The following VWDE variants were observed in gnomAD, a reference collection of about 807,000 sequenced individuals.
VWDE encodes the protein von Willebrand factor D and EGF domains.
VWDE carries 207 observed loss-of-function variants against 178.4 expected under a neutral mutation model. The observed-to-expected ratio is 1.16, with a 90% CI of 1.04 to 1.30. The LOEUF is 1.30. Among genes scored for constraint, VWDE ranks in the 50% most tolerant of loss-of-function variants. The pLI, the probability that VWDE is intolerant of heterozygous loss-of-function variation, is 0.00. For missense variants in VWDE, 2,287 were observed against 1,901.3 expected, an observed-to-expected ratio of 1.20 and a Z score of -3.77; for synonymous variants, 738 against 651.4, an observed-to-expected ratio of 1.13 and a Z score of -2.02.
Position 12,393,758 on chromosome 7 carries a change from C to T in VWDE, c.79G>A (p.Gly27Arg). 4 of 1,549,558 alleles carry T rather than the reference C, an allele frequency of 2.6e-6. No individual in the cohort carries two copies. Among genetic ancestry groups the T allele is most frequent in the Non-Finnish European group, 3.5e-6 (4 of 1,146,090 alleles). ...TAAGGACTCCGAAGAAACTGGTGTC[C>T]CCCAGGAGAGCACTCCTGAGCTAGT... ...WGEAQECSPG[G>R]HQFLRSPYRS... Residue 27 changes from glycine to arginine, a missense_variant, in exon 2 of 29, where the codon GGA becomes AGA. Transcript: ENST00000275358.
At chr7:12,332,457 T>C (rs1012052737) in intron 28 of VWDE, among the ~76,000 whole-genome samples, 3 of 152,034 alleles carry the variant, frequency 2.0e-5, no homozygotes, top group Non-Finnish European at 2.9e-5. Context: ...TAAAATAGAA[T>C]ATAGAGCAGC....
chr7:12,337,841 G>C (rs1212683780), intron 24 of VWDE, among the ~76,000 whole-genome samples: 1 of 152,066 alleles, frequency 6.6e-6, no homozygotes, highest in Non-Finnish European at 1.5e-5. Flanking sequence ...CTTACTGGTA[G>C]TTCCTATTTG....
chr7:12,343,022 G>A (rs186635229), intron 22 of VWDE, 61 bp downstream of exon 22: 598 of 1,242,818 alleles, frequency 4.8e-4, no homozygotes, highest in Middle Eastern at 5.7e-4. Context: ...GTAGCATTAA[G>A]GCCATCAACT....
rs146682144 is a variant in VWDE, at chr7:12,372,261, C to T, written c.1587+716G>A. ...TATTTTCTATCTGACCTGTTTTATA[C>T]GTAGCAAATATTTTCCTAATTTTTG... On this transcript the variant is annotated intron_variant, in intron 10 of 28. Transcript: ENST00000275358. Among the ~76,000 whole-genome samples the T allele has an allele frequency of 9.5e-3, 1,448 of 151,932 alleles. 27 individuals carry two copies. Among genetic ancestry groups the T allele is most frequent in the African/African-American group, 0.032 (1,334 of 41,480 alleles).
chr7:12,370,356 G>A lies in VWDE; in HGVS notation c.1950C>T (p.Cys650=), dbSNP rs1324413222. 10 of 1,550,924 alleles carry A rather than the reference G, an allele frequency of 6.4e-6. 1 individual carries two copies. In the South Asian group the frequency reaches 8.3e-5, roughly 13 times the overall value. ...ATAAGCTGACATGATTGAGGTCTTT[G>A]CAACCCAAGGCAATTTCTGATCGAG... ...SVSRSEIALG[C]KDLNHVSLSS... Residue 650 remains cysteine, a synonymous_variant, in exon 12 of 29, where the codon TGC becomes TGT. Coordinates refer to ENST00000275358, the MANE Select transcript of VWDE (RefSeq NM_001135924.3).
At position 12,361,479 on chromosome 7, in the gene VWDE, G is replaced by A; in HGVS notation, c.2941C>T (p.Gln981Ter). The A allele has an allele frequency of 1.3e-6, 2 of 1,550,804 alleles. No individual in the cohort carries two copies. Among genetic ancestry groups the A allele is most frequent in the African/African-American group, 1.4e-5 (1 of 73,092 alleles). The change falls in exon 14 of 29, where the codon CAG becomes TAG. Residue 981 changes from glutamine (Q) to a stop codon, truncating the protein, a stop_gained. Coordinates refer to ENST00000275358, the MANE Select transcript of VWDE (RefSeq NM_001135924.3). LOFTEE classifies it high-confidence loss of function. ...GCTCTGCTATTGTGGAAAACAGTCT[G>A]TGTATAGATGGGTTCTCCAGGCATC... The part of the protein sequence containing the change: ...EWMPGEPIYT[Q>*]TVFHNSRAVD...
Position 12,337,227 on chromosome 7 carries a change from T to C in VWDE, c.4412A>G (p.Asn1471Ser), listed in dbSNP as rs1267804799. The change falls in exon 25 of 29, where the codon AAT (asparagine) becomes AGT (serine). Residue 1471 changes from asparagine to serine, a missense_variant. Asn to Ser is a conservative substitution (Grantham distance 46). Transcript: ENST00000275358. ...PCKNGGHCMRNNVCVCREGYT... is the reference protein window; with the variant it reads ...PCKNGGHCMRSNVCVCREGYT... Reference sequence around the variant, plus strand: ...TCCTTCACGACAGACGCACACATTATTTCTCATGCAGTGGCCACCATTCTT... The same window carrying C: ...TCCTTCACGACAGACGCACACATTACTTCTCATGCAGTGGCCACCATTCTT... The C allele has an allele frequency of 1.3e-6, 2 of 1,551,914 alleles. No individual in the cohort carries two copies. The highest frequency in any genetic ancestry group is 2.7e-5 in the African/African-American group (2 of 73,054).
At chr7:12,375,300 A>G in intron 7 of VWDE, 73 bp from the exon 8 acceptor site, 1 of 1,054,354 alleles carries the variant, frequency 9.5e-7, no homozygotes, top group Non-Finnish European at 1.4e-6. Context: ...AAATTAATTA[A>G]CATGAAACAC....
At chr7:12,336,637 C>T (rs1562458407) in intron 26 of VWDE, among the ~76,000 whole-genome samples, 1 of 152,156 alleles carries the variant, frequency 6.6e-6, no homozygotes. Context: ...CTGTTATCTT[C>T]TCTTGGAAAG....
chr7:12,381,846 G>A (rs1316584986), intron 4 of VWDE, among the ~76,000 whole-genome samples: 1 of 151,738 alleles, frequency 6.6e-6, no homozygotes, highest in East Asian at 1.9e-4. Context: ...TGATTATTAA[G>A]AATAAGAGAA....
At chr7:12,374,510 G>A (rs1204231638) in intron 9 of VWDE, among the ~76,000 whole-genome samples, 179 bp downstream of exon 9, 2 of 151,942 alleles carry the variant, frequency 1.3e-5, no homozygotes, top group Non-Finnish European at 2.9e-5. Flanking sequence ...CTAAGAATTA[G>A]ATTTTAAGGC....
chr7:12,400,172 G>C (rs79521877), intron 1 of VWDE, among the ~76,000 whole-genome samples: 13,191 of 151,952 alleles, frequency 0.087, 770 homozygotes, highest in East Asian at 0.13. Context: ...GTAAAAATAA[G>C]AGCATTCTAA....
At chr7:12,337,344 T>C (rs1255197328) in intron 24 of VWDE, 72 bp from the exon 25 acceptor site, 3 of 1,275,380 alleles carry the variant, frequency 2.4e-6, no homozygotes, top group Non-Finnish European at 3.3e-6. Flanking sequence ...TTGCATCATG[T>C]GCTTGTCATC....
intron 1 of VWDE, 69 bp from the exon 2 acceptor site, chr7:12,393,847 A>C: frequency 7.5e-7 from 1 of 1,331,922 alleles, no homozygotes; most frequent in South Asian, 1.8e-5. Context: ...TCCTCAATTA[A>C]AATTGATTCC....
chr7:12,367,656 A>T (rs1052298765), intron 12 of VWDE, among the ~76,000 whole-genome samples, 163 bp from the exon 13 acceptor site: 3 of 152,110 alleles, frequency 2.0e-5, no homozygotes, highest in African/African-American at 7.2e-5. Flanking sequence ...TGTTAAGAGT[A>T]ATCTGGTATT....
intron 22 of VWDE, among the ~76,000 whole-genome samples, chr7:12,342,646 T>C (rs1233499258): frequency 6.6e-6 from 1 of 151,562 alleles, no homozygotes; most frequent in Non-Finnish European, 1.5e-5. Context: ...ATTTTATTTA[T>C]TTATTTATTT....
chr7:12,400,443 G>T (rs927015212), intron 1 of VWDE, among the ~76,000 whole-genome samples: 1 of 152,206 alleles, frequency 6.6e-6, no homozygotes, highest in South Asian at 2.1e-4. Context: ...AATAATTATA[G>T]ATAACTTAGA....
intron 16 of VWDE, among the ~76,000 whole-genome samples, chr7:12,358,464 CTTATA>C (rs1782393332): frequency 6.6e-6 from 1 of 151,778 alleles, no homozygotes; most frequent in Admixed American, 6.6e-5. Flanking sequence ...TTTATATTGT[CTTATA>C]TTAAAAAATG....
At chr7:12,395,364 G>A (rs1261556018) in intron 1 of VWDE, among the ~76,000 whole-genome samples, 1 of 152,068 alleles carries the variant, frequency 6.6e-6, no homozygotes, top group African/African-American at 2.4e-5. Context: ...TTATTAAAAT[G>A]TTTTCTCTGA....
Sources: gnomAD v4.1 joint callset for allele counts (sites outside exome capture counted in the v4.1 genomes callset) on GRCh38, gnomAD v4.1.1 for gene constraint, MANE v1.5 for transcripts, NCBI Gene and HGNC (gene_info 2026-07-23, HGNC 2026-07-21) for gene names.